The following PTPRT variants were observed in gnomAD, a reference collection of about 807,000 sequenced individuals.
PTPRT encodes the protein receptor-type tyrosine-protein phosphatase T.
PTPRT carries 56 observed loss-of-function variants against 176.8 expected under a neutral mutation model. The observed-to-expected ratio is 0.32, with a 90% confidence interval of 0.26 to 0.40. PTPRT has a LOEUF of 0.40. Ranked by LOEUF, PTPRT falls within the 10% of genes least tolerant of loss-of-function variation. The pLI is 1.00. For missense variants in PTPRT, 1,540 were observed against 1,908.2 expected (o/e 0.81, Z 3.60); for synonymous variants, 783 against 739.0 (o/e 1.06, Z -0.96).
At chr20:42,292,837 G>A (rs1414516332) in intron 12 of PTPRT, among the ~76,000 whole-genome samples, 3 of 152,174 alleles carry the variant, frequency 2.0e-5, no homozygotes, top group African/African-American at 4.8e-5. Context: ...TTAGGACTAC[G>A]TAATGTGGTA....
chr20:42,798,843 G>A (rs1298950197), intron 2 of PTPRT, among the ~76,000 whole-genome samples: 1 of 151,974 alleles, frequency 6.6e-6, no homozygotes, highest in Non-Finnish European at 1.5e-5. Context: ...GGATAATGTC[G>A]TTTAAATATG....
chr20:42,591,980 T>A (rs1375464250), intron 7 of PTPRT, among the ~76,000 whole-genome samples: 1 of 140,760 alleles, frequency 7.1e-6, no homozygotes, highest in Admixed American at 7.0e-5. Flanking sequence ...AGATTCTTTT[T>A]TTTTTTTTTT....
chr20:42,911,978 T>TC (rs1978413305), intron 1 of PTPRT, among the ~76,000 whole-genome samples: 1 of 129,294 alleles, frequency 7.7e-6, no homozygotes, highest in South Asian at 2.2e-4. Context: ...CCTCTTTTCT[T>TC]TTTTTTTTTT....
intron 1 of PTPRT, among the ~76,000 whole-genome samples, chr20:42,889,552 C>G (rs939041933): frequency 1.3e-5 from 2 of 152,214 alleles, no homozygotes; most frequent in Non-Finnish European, 2.9e-5. Context: ...TAAGGTCACT[C>G]TGGGGACCTT....
chr20:43,109,727 G>T (rs1242494868), intron 1 of PTPRT, among the ~76,000 whole-genome samples: 1 of 152,150 alleles, frequency 6.6e-6, no homozygotes, highest in Non-Finnish European at 1.5e-5. Context: ...CATGACAGAA[G>T]TGGACAAGGA....
chr20:42,995,309 T>C (rs535206589), intron 1 of PTPRT, among the ~76,000 whole-genome samples: 1 of 152,122 alleles, frequency 6.6e-6, no homozygotes, highest in African/African-American at 2.4e-5. Context: ...TAGTTAAAAG[T>C]AGAAATAACC....
chr20:42,681,826 C>A (rs1213822900), intron 6 of PTPRT, among the ~76,000 whole-genome samples: 1 of 152,210 alleles, frequency 6.6e-6, no homozygotes, highest in Non-Finnish European at 1.5e-5. Flanking sequence ...AAGGGATACA[C>A]ATATACACAA....
rs951335252 is a variant in PTPRT, at chr20:42,904,585, G to A, written c.89-18653C>T. 1.6e-4 allele frequency among the ~76,000 whole-genome samples: 25 copies of A among 152,108 alleles called. 1 individual carries two copies. Among genetic ancestry groups the A allele is most frequent in the Non-Finnish European group, 2.9e-5 (2 of 68,020 alleles). The stretch of plus-strand genomic sequence containing the variant: ...AACAAGGTCTTGATACGGGAAGGGG[G>A]CAGGGAAGTGCTGGGAAGAGAAGGG... On this transcript the variant is annotated intron_variant, in intron 1 of 30. Transcript: ENST00000373187.
chr20:42,438,341 G>A (rs1168750011), intron 9 of PTPRT, among the ~76,000 whole-genome samples: 1 of 152,152 alleles, frequency 6.6e-6, no homozygotes, highest in African/African-American at 2.4e-5. Flanking sequence ...AGACGTTCAT[G>A]TTAAACAGCT....
Position 42,248,693 on chromosome 20 carries a change from T to C in PTPRT, c.2306A>G (p.Lys769Arg). ...GGCAGCAGCAGAGACTCACCTCCTT[T>C]TGATGGTGAGCATCACGCCCAGGAG... ...IILLGVMLTI[K>R]RRRNAYSYSY... The change falls in exon 14 of 31, where the codon AAA (lysine) becomes AGA (arginine). Residue 769 changes from lysine (K) to arginine (R), a missense_variant. Physicochemically the swap from Lys to Arg is conservative, Grantham distance 26. Around this residue, in one of 11 missense-constraint regions of PTPRT, gnomAD observed 255 missense variants for 250.1 expected, o/e 1.02. Transcript: ENST00000373187. The C allele has an allele frequency of 6.2e-7, 1 of 1,613,826 alleles. No homozygotes were observed. Among genetic ancestry groups the C allele is most frequent in the Middle Eastern group, 1.7e-4 (1 of 6,040 alleles).
intron 9 of PTPRT, among the ~76,000 whole-genome samples, chr20:42,384,538 T>A (rs2145644752): frequency 6.6e-6 from 1 of 152,310 alleles, no homozygotes; most frequent in South Asian, 2.1e-4. Context: ...TTCGATGTCT[T>A]GGCTATTGTA....
At chr20:42,151,016 C>T (rs1057013867) in intron 17 of PTPRT, among the ~76,000 whole-genome samples, 8 of 152,100 alleles carry the variant, frequency 5.3e-5, no homozygotes, top group African/African-American at 1.9e-4. Context: ...ACAGTAGGTG[C>T]CCAGAATCTT....
chr20:43,010,273 C>T (rs938012501), intron 1 of PTPRT, among the ~76,000 whole-genome samples: 1 of 152,168 alleles, frequency 6.6e-6, no homozygotes, highest in Non-Finnish European at 1.5e-5. Context: ...TGCAAACTCC[C>T]TGCAGTGTAG....
rs111724637 is a variant in PTPRT, at chr20:42,187,882, G to C, written c.2491+11358C>G. Among the ~76,000 whole-genome samples the C allele has an allele frequency of 8.0e-3, 1,214 of 152,284 alleles. 26 individuals are homozygous for C. Among genetic ancestry groups the C allele is most frequent in the African/African-American group, 0.028 (1,144 of 41,552 alleles). Reference sequence around the variant, plus strand: ...TAGGTCCTCCTATATGTAAGTCTTGGCTCAAAGTTCTGGTTCTTCCATTAA... The same window carrying C: ...TAGGTCCTCCTATATGTAAGTCTTGCCTCAAAGTTCTGGTTCTTCCATTAA... On this transcript the variant is annotated intron_variant, in intron 16 of 30. Transcript: ENST00000373187.
the PTPRT span, among the ~76,000 whole-genome samples, chr20:42,033,340 T>C: frequency 6.6e-6 from 1 of 152,230 alleles, no homozygotes; most frequent in Middle Eastern, 3.2e-3. Flanking sequence ...ATTCTTCTAA[T>C]AATTCTTTAT....
chr20:42,260,851 T>G (rs1390434635), intron 13 of PTPRT, among the ~76,000 whole-genome samples: 1 of 152,152 alleles, frequency 6.6e-6, no homozygotes, highest in Non-Finnish European at 1.5e-5. Flanking sequence ...GAGACCTGTC[T>G]GGGCCAAATG....
intron 6 of PTPRT, among the ~76,000 whole-genome samples, chr20:42,688,975 G>T (rs1398781904): frequency 6.6e-6 from 1 of 152,200 alleles, no homozygotes; most frequent in Non-Finnish European, 1.5e-5. Context: ...TACAGGCTGG[G>T]AAGTGGCAGG....
chr20:42,593,984 G>C (rs575054512), intron 7 of PTPRT, among the ~76,000 whole-genome samples: 177 of 152,298 alleles, frequency 1.2e-3, no homozygotes, highest in Middle Eastern at 3.4e-3. Flanking sequence ...ATTATCTGTA[G>C]AGTCTCTTGG....
chr20:42,220,895 A>C (rs2055870922), intron 15 of PTPRT, among the ~76,000 whole-genome samples: 1 of 152,218 alleles, frequency 6.6e-6, no homozygotes, highest in Non-Finnish European at 1.5e-5. Context: ...TCCAATGTAG[A>C]TGATAAATTT....
Sources: gnomAD v4.1 joint callset for allele counts (sites outside exome capture counted in the v4.1 genomes callset) on GRCh38, gnomAD v4.1.1 for gene constraint, gnomAD v4.1.1 regional missense constraint, MANE v1.5 for transcripts, NCBI Gene and HGNC (gene_info 2026-07-23, HGNC 2026-07-21) for gene names.